The following AKAP10 variants were observed in gnomAD, a reference collection of about 807,000 sequenced individuals.
The protein encoded by AKAP10 is A-kinase anchoring protein 10.
In AKAP10, 24 loss-of-function variants were observed where a neutral mutation model predicts 80.8. The ratio of observed to expected loss-of-function variants is 0.30; its 90% confidence interval spans 0.22 to 0.42. The LOEUF is 0.42. Among genes scored for constraint, AKAP10 ranks in the 10% least tolerant of loss-of-function variants. The probability of loss-of-function intolerance (pLI) is 1.00; values close to 1 mark genes in which losing one functional copy is unlikely to be tolerated. For synonymous variants in AKAP10, 291 were observed against 277.7 expected, an observed-to-expected ratio of 1.05 and a Z score of -0.48; for missense variants, 661 against 794.9, an observed-to-expected ratio of 0.83 and a Z score of 2.03.
chr17:19,932,448 C>CT (rs1251741097), intron 9 of AKAP10, among the ~76,000 whole-genome samples: 1 of 101,136 alleles, frequency 9.9e-6, no homozygotes, highest in African/African-American at 3.7e-5. Context: ...GCAAGACTGT[C>CT]TAAAAAAAAA....
At chr17:19,917,901 C>T (rs1451547436) in intron 12 of AKAP10, among the ~76,000 whole-genome samples, 1 of 149,994 alleles carries the variant, frequency 6.7e-6, no homozygotes, top group East Asian at 2.0e-4. Flanking sequence ...GACTCTGTCC[C>T]CCTCCCACCC....
intron 2 of AKAP10, among the ~76,000 whole-genome samples, chr17:19,964,047 G>A (rs1410828957): frequency 6.6e-6 from 1 of 152,128 alleles, no homozygotes; most frequent in African/African-American, 2.4e-5. Flanking sequence ...AAAATGAAGA[G>A]TGACTGTCTT....
chr17:19,924,622 A>G (rs2042856084), intron 10 of AKAP10, 105 bp from the exon 11 acceptor site: 2 of 582,300 alleles, frequency 3.4e-6, no homozygotes, highest in South Asian at 6.8e-5. Flanking sequence ...AATAGAAGTA[A>G]CTTTCACTCA....
chr17:19,928,488 C>T (rs2042897757), intron 10 of AKAP10, among the ~76,000 whole-genome samples: 1 of 152,184 alleles, frequency 6.6e-6, no homozygotes, highest in African/African-American at 2.4e-5. Context: ...CAAAATGGTG[C>T]AGCCTTTTCG....
Position 19,941,852 on chromosome 17 carries a change from G to A in AKAP10, c.1035C>T (p.Ser345=). The A allele has an allele frequency of 2.5e-6, 4 of 1,609,092 alleles. No individual in the cohort carries two copies. Among genetic ancestry groups the A allele is most frequent in the Non-Finnish European group, 2.5e-6 (3 of 1,177,662 alleles). ...CTTGCTCCATTGCACTAAAGACTAT[G>A]GACTGTGCCAAAACGAAACAGTTGG... ...VDPNCFVLAQ[S]IVFSAMEQEH... Residue 345 remains serine (S), a synonymous_variant, in exon 6 of 15, where the codon TCC becomes TCT. Transcript: ENST00000225737.
At chr17:19,974,782 T>C (rs1156740719) in intron 1 of AKAP10, among the ~76,000 whole-genome samples, 1 of 152,002 alleles carries the variant, frequency 6.6e-6, no homozygotes. Context: ...CTCAAACTCC[T>C]GGGCTCAAGT....
chr17:19,968,337 T>C (rs886278319), intron 2 of AKAP10, 77 bp downstream of exon 2: 1 of 1,105,828 alleles, frequency 9.0e-7, no homozygotes, highest in Non-Finnish European at 1.3e-6. Context: ...AAAGAGAGAG[T>C]ATAACAGGAT....
At chr17:19,967,214 C>T (rs1198624006) in intron 2 of AKAP10, among the ~76,000 whole-genome samples, 5 of 152,190 alleles carry the variant, frequency 3.3e-5, no homozygotes, top group Admixed American at 2.0e-4. Flanking sequence ...AATCTCTGTA[C>T]ACTGGACAAA....
intron 12 of AKAP10, among the ~76,000 whole-genome samples, chr17:19,917,468 A>G (rs1279353945): frequency 6.6e-6 from 1 of 152,152 alleles, no homozygotes; most frequent in African/African-American, 2.4e-5. Flanking sequence ...TTCCTTAAAA[A>G]AATTGTGTTT....
intron 4 of AKAP10, 139 bp downstream of exon 4, chr17:19,957,875 C>T: frequency 1.1e-6 from 1 of 914,334 alleles, no homozygotes; most frequent in South Asian, 1.8e-5. Flanking sequence ...CTACACTCTC[C>T]AAATTCTCCC....
chr17:19,969,987 T>C (rs565437124), intron 1 of AKAP10, among the ~76,000 whole-genome samples: 2 of 152,312 alleles, frequency 1.3e-5, no homozygotes, highest in East Asian at 3.9e-4. Flanking sequence ...CATATACATC[T>C]GTATTTCCTG....
intron 9 of AKAP10, among the ~76,000 whole-genome samples, chr17:19,934,172 C>T (rs1228794123): frequency 2.0e-5 from 3 of 152,190 alleles, no homozygotes; most frequent in East Asian, 1.9e-4. Flanking sequence ...CCACCCACCT[C>T]GGCCTCCCAA....
intron 8 of AKAP10, among the ~76,000 whole-genome samples, chr17:19,937,434 G>A (rs1048938359): frequency 3.0e-4 from 45 of 152,114 alleles, no homozygotes; most frequent in African/African-American, 9.4e-4. Flanking sequence ...CCCAGGAGGT[G>A]GAGGTTGCAG....
At chr17:19,933,878 G>A (rs2042964743) in intron 9 of AKAP10, among the ~76,000 whole-genome samples, 1 of 152,080 alleles carries the variant, frequency 6.6e-6, no homozygotes, top group African/African-American at 2.4e-5. Context: ...TTCATTAGAA[G>A]AATAAATCAT....
chr17:19,951,626 A>G (rs185765), intron 4 of AKAP10, among the ~76,000 whole-genome samples: 61,126 of 151,490 alleles, frequency 0.4, 12,746 homozygotes, highest in African/African-American at 0.5. Flanking sequence ...AACATGTGCT[A>G]TTACCACTCA....
intron 14 of AKAP10, among the ~76,000 whole-genome samples, chr17:19,907,850 T>C (rs1421105645): frequency 6.6e-6 from 1 of 152,158 alleles, no homozygotes; most frequent in Non-Finnish European, 1.5e-5. Flanking sequence ...TGGTAATTTG[T>C]GATTGACGTC....
At chr17:19,977,194 T>C (rs1567781947) in intron 1 of AKAP10, among the ~76,000 whole-genome samples, 1 of 152,208 alleles carries the variant, frequency 6.6e-6, no homozygotes, top group East Asian at 1.9e-4. Context: ...CACGTGTTGC[T>C]TTTAGACATA....
At chr17:19,912,856 G>T (rs929122987) in intron 12 of AKAP10, among the ~76,000 whole-genome samples, 5 of 152,118 alleles carry the variant, frequency 3.3e-5, no homozygotes, top group African/African-American at 1.2e-4. Flanking sequence ...AAGGGGAGCC[G>T]AACTGTAAAC....
At position 19,974,289 on chromosome 17, in the gene AKAP10, G is replaced by C. The variant is rs1041124140; in HGVS notation, c.88+3303C>G. On this transcript the variant is annotated intron_variant, in intron 1 of 14. Coordinates refer to ENST00000225737, the MANE Select transcript of AKAP10 (RefSeq NM_007202.4). The stretch of plus-strand genomic sequence containing the variant: ...AATCTGGCATAAAATTTTAGATATT[G>C]TAAGTTGAAGGTATCTACTGGATTA... Among the ~76,000 whole-genome samples, 3 of 152,240 alleles carry C rather than the reference G, an allele frequency of 2.0e-5. No individual in the cohort carries two copies. The East Asian group carries it at 5.8e-4, about 29-fold the overall frequency.
Sources: gnomAD v4.1 joint callset for allele counts (sites outside exome capture counted in the v4.1 genomes callset) on GRCh38, gnomAD v4.1.1 for gene constraint, MANE v1.5 for transcripts, NCBI Gene and HGNC (gene_info 2026-07-23, HGNC 2026-07-21) for gene names.